SNX31: variants seen among roughly 807,000 people sequenced by gnomAD.
SNX31 encodes sorting nexin 31.
SNX31 carries 58 observed loss-of-function variants against 65.4 expected under a neutral mutation model. The ratio of observed to expected loss-of-function variants is 0.89; its 90% CI spans 0.72 to 1.10. SNX31 has a LOEUF of 1.10. SNX31 is among the 50% of genes least tolerant of loss of function. SNX31 has a pLI of 0.00. For synonymous variants in SNX31, 181 were observed against 190.1 expected (o/e 0.95, Z 0.39); for missense variants, 523 against 529.7 (o/e 0.99, Z 0.12).
At chr8:100,580,150 T>C (rs1243797720) in intron 12 of SNX31, among the ~76,000 whole-genome samples, 1 of 124,090 alleles carries the variant, frequency 8.1e-6, no homozygotes, top group Non-Finnish European at 1.6e-5. Context: ...AGACAGAGCC[T>C]GTCTTTAAAA....
chr8:100,634,578 C>G (rs1012217638), intron 3 of SNX31, among the ~76,000 whole-genome samples: 4 of 151,852 alleles, frequency 2.6e-5, no homozygotes, highest in African/African-American at 9.7e-5. Flanking sequence ...GAAACCCCAT[C>G]TCTACTAAAA....
intron 2 of SNX31, among the ~76,000 whole-genome samples, chr8:100,640,447 T>C (rs1819087351): frequency 6.6e-6 from 1 of 152,032 alleles, no homozygotes; most frequent in African/African-American, 2.4e-5. Context: ...TTTCTATAGA[T>C]ACTTCTCAAA....
At position 100,575,405 on chromosome 8, in the gene SNX31, G is replaced by T. The variant is rs1812965858; in HGVS notation, c.1228-1445C>A. 6.6e-6 allele frequency among the ~76,000 whole-genome samples: 1 copy of T among 152,202 alleles called. No homozygotes were observed. The highest frequency in any genetic ancestry group is 2.4e-5 in the African/African-American group (1 of 41,454). ...CAGGATAAGGTCTATACAACAGTTT[G>T]CAAAATAAATTAAAACTCAATATAG... is the stretch of plus-strand genomic sequence containing the variant. On this transcript the variant is annotated intron_variant, in intron 13 of 13. Coordinates refer to ENST00000311812, the MANE Select transcript of SNX31 (RefSeq NM_152628.4). This position sits in a 1 kb window ranked among gnomAD's most constrained non-coding sequence, Gnocchi z 5.1.
At position 100,581,337 on chromosome 8, in the gene SNX31, C is replaced by CTATATA. The variant is rs57664831; in HGVS notation, c.1170+2768_1170+2773dup. 1.2e-3 allele frequency among the ~76,000 whole-genome samples: 155 copies of CTATATA among 125,462 alleles called. 2 individuals are homozygous for CTATATA. Among genetic ancestry groups the CTATATA allele is most frequent in the African/African-American group, 3.6e-3 (117 of 32,196 alleles). The allele number at this position is 125,462 out of a possible 152,430, so 82.3% of individuals were successfully genotyped here. A position where few individuals can be genotyped will look rare whatever the true frequency, so the allele number is the denominator to read the frequency against. The stretch of plus-strand genomic sequence containing the variant: ...TATATATCTATATCTATCTATCTAT[C>CTATATA]TATATATATATATATATATAATTTA... On this transcript the variant is annotated intron_variant, in intron 12 of 13. Coordinates refer to ENST00000311812, the MANE Select transcript of SNX31 (RefSeq NM_152628.4).
At chr8:100,657,666 C>G in intron 1 of SNX31, 1 of 455,624 alleles carries the variant, frequency 2.2e-6, no homozygotes, top group South Asian at 1.5e-5. Context: ...AGTGGAGGGA[C>G]AAGATGGGGA....
At chr8:100,607,437 C>A (rs1318608159) in intron 8 of SNX31, among the ~76,000 whole-genome samples, 1 of 152,046 alleles carries the variant, frequency 6.6e-6, no homozygotes, top group Non-Finnish European at 1.5e-5. Context: ...AGGCCAAGCT[C>A]GAAATTTACT....
At chr8:100,580,787 T>C (rs772481811) in intron 12 of SNX31, among the ~76,000 whole-genome samples, 3 of 152,180 alleles carry the variant, frequency 2.0e-5, no homozygotes, top group African/African-American at 7.2e-5. Context: ...ACAAACTTCA[T>C]TGTGTCTAAG....
chr8:100,627,018 T>C (rs1328893500), intron 4 of SNX31, among the ~76,000 whole-genome samples: 1 of 152,118 alleles, frequency 6.6e-6, no homozygotes, highest in African/African-American at 2.4e-5. Context: ...ATTAAGGAAA[T>C]GAAATCAGGT....
In SNX31 at chr8:100,610,158, T is replaced by C. The variant is rs1816575690; in HGVS notation, c.612-1595A>G. Among the ~76,000 whole-genome samples the C allele has an allele frequency of 6.6e-6, 1 of 152,248 alleles. No individual in the cohort carries two copies. Among genetic ancestry groups the C allele is most frequent in the Non-Finnish European group, 1.5e-5 (1 of 68,044 alleles). Reference sequence around the variant, plus strand: ...CCAGTTCCCATCAACAGAGGCAATCTGCCTAGATCTGAGATGCTGGCTAAT... The same window carrying C: ...CCAGTTCCCATCAACAGAGGCAATCCGCCTAGATCTGAGATGCTGGCTAAT... On this transcript the variant is annotated intron_variant, in intron 7 of 13. Coordinates refer to ENST00000311812, the MANE Select transcript of SNX31 (RefSeq NM_152628.4). The surrounding 1 kb of genome is among the most constrained non-coding windows in gnomAD (Gnocchi z 4.0).
intron 2 of SNX31, among the ~76,000 whole-genome samples, chr8:100,640,382 T>C (rs1041008124): frequency 9.9e-5 from 15 of 152,186 alleles, no homozygotes; most frequent in African/African-American, 3.6e-4. Flanking sequence ...CACCTTGGCC[T>C]CCCAAAATGT....
chr8:100,603,852 C>T (rs538918521), intron 8 of SNX31, among the ~76,000 whole-genome samples: 1 of 151,854 alleles, frequency 6.6e-6, no homozygotes, highest in South Asian at 2.1e-4. Context: ...ATAGTCTTGC[C>T]CCAGCCTCCC....
At position 100,603,505 on chromosome 8, in the gene SNX31, G is replaced by A. The variant is rs1227474293; in HGVS notation, c.682-3064C>T. 4.8e-5 allele frequency among the ~76,000 whole-genome samples: 7 copies of A among 145,762 alleles called. 1 individual carries two copies. The highest frequency in any genetic ancestry group is 1.0e-4 in the African/African-American group (4 of 39,110). On this transcript the variant is annotated intron_variant, in intron 8 of 13. Transcript: ENST00000311812. Reference sequence around the variant, plus strand: ...GGCTGGAGTGCAATGGCGCAATCTCGGCTCACTGCAACCTCCGCCTCCCGG... The same window carrying A: ...GGCTGGAGTGCAATGGCGCAATCTCAGCTCACTGCAACCTCCGCCTCCCGG...
At position 100,662,288 on chromosome 8, in the gene SNX31, C is replaced by T. The variant is rs73276698; in HGVS notation, c.-58+854G>A. On this transcript the variant is annotated intron_variant, in intron 1 of 5. Coordinates refer to the SNX31 transcript ENST00000520352. ...AACCCAGACAGTGTGATTCTAAAGC[C>T]GGTATTCTCAACTGTCATGTTAAAC... 8.0e-3 allele frequency among the ~76,000 whole-genome samples: 1,219 copies of T among 152,288 alleles called. 26 individuals are homozygous for T. The highest frequency in any genetic ancestry group is 0.028 in the African/African-American group (1,171 of 41,546).
chr8:100,639,919 A>G (rs563991034), intron 2 of SNX31, among the ~76,000 whole-genome samples: 1 of 152,294 alleles, frequency 6.6e-6, no homozygotes, highest in African/African-American at 2.4e-5. Context: ...GAAAAAAACA[A>G]ATCAGGAATG....
At chr8:100,656,495 G>C (rs1234430693) in intron 1 of SNX31, among the ~76,000 whole-genome samples, 1 of 151,906 alleles carries the variant, frequency 6.6e-6, no homozygotes, top group African/African-American at 2.4e-5. Flanking sequence ...ACAAAAATTA[G>C]CCAGGCGTGG....
chr8:100,620,587 A>G (rs1586982064), intron 4 of SNX31, among the ~76,000 whole-genome samples: 1 of 152,360 alleles, frequency 6.6e-6, no homozygotes, highest in East Asian at 1.9e-4. Context: ...TGTGTGTTGT[A>G]TCTACATATA....
rs186846253 is a variant in SNX31 at position 100,581,160 on chromosome 8, G to T, written c.1170+2951C>A. 3.0e-3 allele frequency among the ~76,000 whole-genome samples: 447 copies of T among 151,318 alleles called. 4 individuals are homozygous for T. Among genetic ancestry groups the T allele is most frequent in the African/African-American group, 0.01 (416 of 41,234 alleles). On this transcript the variant is annotated intron_variant, in intron 12 of 13. Coordinates refer to ENST00000311812, the MANE Select transcript of SNX31 (RefSeq NM_152628.4). ...AAAAAAAAAAAAAAATTAGCTGGGTGTGGTGGCACATGCCAGTGGTCCCAG... is the reference window on the plus strand; with the variant it reads ...AAAAAAAAAAAAAAATTAGCTGGGTTTGGTGGCACATGCCAGTGGTCCCAG...
chr8:100,662,021 C>T (rs1693546), intron 1 of SNX31, among the ~76,000 whole-genome samples: 40,810 of 151,834 alleles, frequency 0.27, 6,332 homozygotes, highest in African/African-American at 0.42. Flanking sequence ...GACAGGGTTT[C>T]GCCATGTTGG....
Position 100,660,475 on chromosome 8 carries a change from C to T in SNX31, c.-58+2667G>A, listed in dbSNP as rs1443754014. On this transcript the variant is annotated intron_variant, in intron 1 of 5. Coordinates refer to the SNX31 transcript ENST00000520352. The surrounding 1 kb of genome is among the most constrained non-coding windows in gnomAD (Gnocchi z 4.1). ...CTGTAAAGACAATGTTTTACCCATGCCCGCAGGCTCTTCAGAGTGATACTA... is the reference window on the plus strand; with the variant it reads ...CTGTAAAGACAATGTTTTACCCATGTCCGCAGGCTCTTCAGAGTGATACTA... 1.3e-5 allele frequency among the ~76,000 whole-genome samples: 2 copies of T among 152,186 alleles called. No individual in the cohort carries two copies. Among genetic ancestry groups the T allele is most frequent in the African/African-American group, 2.4e-5 (1 of 41,428 alleles).
Sources: gnomAD v4.1 joint callset for allele counts (sites outside exome capture counted in the v4.1 genomes callset) on GRCh38, gnomAD v4.1.1 for gene constraint, Gnocchi (gnomAD v3.1) non-coding constraint, MANE v1.5 for transcripts, NCBI Gene and HGNC (gene_info 2026-07-23, HGNC 2026-07-21) for gene names.